Variants in ZNF850 observed in about 807,000 individuals in gnomAD.
The protein encoded by ZNF850 is putative zinc finger protein ENSP00000330994.
In ZNF850, 2 loss-of-function variants were observed where a neutral mutation model predicts 11.9. The observed-to-expected ratio is 0.17, with a 90% CI of 0.07 to 0.53. The LOEUF (loss-of-function observed/expected upper bound fraction) is 0.53. Ranked by LOEUF, ZNF850 falls within the 20% of genes least tolerant of loss-of-function variation. The pLI, the probability that ZNF850 is intolerant of heterozygous loss-of-function variation, is 0.94. For synonymous variants in ZNF850, 381 were observed against 443.0 expected (o/e 0.86, Z 1.76); for missense variants, 1,014 against 1,316.4 (o/e 0.77, Z 3.55).
At chr19:36,760,926 G>A (rs2040514113) in intron 4 of ZNF850, among the ~76,000 whole-genome samples, 1 of 151,478 alleles carries the variant, frequency 6.6e-6, no homozygotes, top group South Asian at 2.1e-4. Context: ...AGGAAAACTA[G>A]ACAAGACAAC....
intron 1 of ZNF850, among the ~76,000 whole-genome samples, chr19:36,769,982 G>C (rs923594864): frequency 6.6e-6 from 1 of 152,124 alleles, no homozygotes; most frequent in African/African-American, 2.4e-5. Context: ...GGATTCCTAC[G>C]ACCCCCTCTT....
rs1568732067 is a variant in ZNF850 at position 36,748,168 on chromosome 19, A to G, written c.2872T>C (p.Cys958Arg). ...GTACGCTGTCTGAAGGACTTCCCAC[A>G]TGTCTTACATTCATAGGGTTTCTCG... ...TGEKPYECKTCGKSFRQRTHL... is the reference protein window; with the variant it reads ...TGEKPYECKTRGKSFRQRTHL... Residue 958 changes from cysteine (C) to arginine (R), a missense_variant, in exon 5 of 5, where the codon TGT (cysteine) becomes CGT (arginine). Physicochemically the swap from Cys to Arg is radical, Grantham distance 180. Around this residue, in one of 2 missense-constraint regions of ZNF850, gnomAD observed 179 missense variants for 294.4 expected, o/e 0.61. Transcript: ENST00000591344. The G allele has an allele frequency of 6.4e-7, 1 of 1,552,960 alleles. No homozygotes were observed. Among genetic ancestry groups the G allele is most frequent in the Non-Finnish European group, 8.7e-7 (1 of 1,151,758 alleles).
chr19:36,752,703 G>C (rs76031305), intron 4 of ZNF850, among the ~76,000 whole-genome samples: 1 of 152,098 alleles, frequency 6.6e-6, no homozygotes, highest in Admixed American at 6.6e-5. Context: ...AATGACAGAT[G>C]ATCCAGTTTC....
intron 4 of ZNF850, among the ~76,000 whole-genome samples, chr19:36,755,287 G>C (rs1018490706): frequency 6.6e-6 from 1 of 152,148 alleles, no homozygotes; most frequent in African/African-American, 2.4e-5. Context: ...GAATGCAGTG[G>C]TGCAATCTCG....
chr19:36,770,023 G>A (rs1283362333), intron 1 of ZNF850, among the ~76,000 whole-genome samples: 1 of 152,254 alleles, frequency 6.6e-6, no homozygotes, highest in East Asian at 1.9e-4. Context: ...AAATAAAATG[G>A]CTCACAGACC....
In ZNF850 at chr19:36,744,350, G is replaced by GA. The variant is rs1351824452; in HGVS notation, c.*3416dup. On this transcript the variant is annotated 3_prime_UTR_variant, in exon 5 of 5. Transcript: ENST00000591344. The stretch of plus-strand genomic sequence containing the variant: ...AGTAAAAACGTTAAGAGTATTGGCT[G>GA]AACACAGTGGCTCACACCTGTAATC... 6.6e-6 allele frequency: 1 copy of GA among 152,086 alleles called. No individual in the cohort carries two copies. The highest frequency in any genetic ancestry group is 1.9e-4 in the East Asian group (1 of 5,194). The allele number at this position is 152,086 out of a possible 1,614,324, so 9.4% of individuals were successfully genotyped here.
Position 36,748,531 on chromosome 19 carries a change from C to T in ZNF850, c.2509G>A (p.Gly837Ser), listed in dbSNP as rs958858736. 6.5e-7 allele frequency: 1 copy of T among 1,537,474 alleles called. No individual in the cohort carries two copies. Among genetic ancestry groups the T allele is most frequent in the Non-Finnish European group, 8.7e-7 (1 of 1,146,996 alleles). The change falls in exon 5 of 5, where the codon GGT becomes AGT. Residue 837 changes from glycine (G) to serine (S), a missense_variant. Physicochemically the swap from Gly to Ser is moderately conservative, Grantham distance 56. Transcript: ENST00000591344. Reference sequence around the variant, plus strand: ...TCTTTACAACTGTAGCGTTTCTCACCAGTGTGAACTGGCCGATGTTGAATT... The same window carrying T: ...TCTTTACAACTGTAGCGTTTCTCACTAGTGTGAACTGGCCGATGTTGAATT... ...ALIQHRPVHT[G>S]EKRYSCKECG...
chr19:36,772,162 A>G (rs2040588790), intron 1 of ZNF850, among the ~76,000 whole-genome samples: 1 of 152,188 alleles, frequency 6.6e-6, no homozygotes. Flanking sequence ...CAGCTGAGGA[A>G]TGTCTTCAGG....
chr19:36,753,271 GAAAA>G (rs71171470), intron 4 of ZNF850, among the ~76,000 whole-genome samples: 36 of 66,068 alleles, frequency 5.4e-4, no homozygotes, highest in African/African-American at 1.8e-3. Context: ...TTCATCTCAG[GAAAA>G]AAAAAAAAAA....
rs1342012687 is a variant in ZNF850 at position 36,749,629 on chromosome 19, GA to G, written c.1410del (p.His471ThrfsTer78). On this transcript the variant is annotated frameshift_variant, in exon 5 of 5. Transcript: ENST00000591344. LOFTEE classifies it low-confidence loss of function (END_TRUNC). ...CAACAATAGGGTTTCTCACCAGTGTGAATCCGCTGATGTTGAAGTAGTGCTG... is the reference window on the plus strand; with the variant it reads ...CAACAATAGGGTTTCTCACCAGTGTGATCCGCTGATGTTGAAGTAGTGCTG... ...SGSALLQHQRIHTGEKPYCCK... is the reference protein window; with the variant it reads ...SGSALLQHQRXHTGEKPYCCK... The G allele has an allele frequency of 6.4e-7, 1 of 1,552,832 alleles. No individual in the cohort carries two copies. Among genetic ancestry groups the G allele is most frequent in the Non-Finnish European group, 8.7e-7 (1 of 1,153,016 alleles).
rs1160029805 is a variant in ZNF850, at chr19:36,750,476, T to G, written c.564A>C (p.Gln188His). 4 of 1,536,302 alleles carry G rather than the reference T, an allele frequency of 2.6e-6. No individual in the cohort carries two copies. In the African/African-American group the frequency reaches 4.1e-5, roughly 16 times the overall value. ...AGAGTTTTTCACCAGTATGGGTTTCTTGCTGTTGTGTAAGTTCTGAGCCAT... is the reference window on the plus strand; with the variant it reads ...AGAGTTTTTCACCAGTATGGGTTTCGTGCTGTTGTGTAAGTTCTGAGCCAT... ...FKYGSELTQQ[Q>H]ETHTGEKLYK... Residue 188 changes from glutamine to histidine, a missense_variant, in exon 5 of 5, where the codon CAA becomes CAC. Coordinates refer to ENST00000591344, the MANE Select transcript of ZNF850 (RefSeq NM_001193552.2).
In ZNF850 at chr19:36,749,491, C is replaced by A. The variant is rs879157985; in HGVS notation, c.1549G>T (p.Gly517Cys). 4 of 1,545,584 alleles carry A rather than the reference C, an allele frequency of 2.6e-6. No homozygotes were observed. In the East Asian group the frequency reaches 9.7e-5, roughly 38 times the overall value. ...CKECGKSFAS[G>C]SALLQHQRIH... ...CGCTGATGTTGAAGTAGTGCTGAGC[C>A]AGAAGCAAAAGATTTTCCACATTCT... Residue 517 changes from glycine (G) to cysteine (C), a missense_variant, in exon 5 of 5, where the codon GGC (glycine) becomes TGC (cysteine). Transcript: ENST00000591344.
At position 36,748,094 on chromosome 19, in the gene ZNF850, T is replaced by C; in HGVS notation, c.2946A>G (p.Glu982=). The C allele has an allele frequency of 6.4e-7, 1 of 1,552,632 alleles. No individual in the cohort carries two copies. Among genetic ancestry groups the C allele is most frequent in the Non-Finnish European group, 8.7e-7 (1 of 1,152,280 alleles). The change falls in exon 5 of 5, where the codon GAA becomes GAG. Residue 982 remains glutamate, a synonymous_variant. Coordinates refer to ENST00000591344, the MANE Select transcript of ZNF850 (RefSeq NM_001193552.2). ...TAAAAGATTTCCCACATTCTTTACA[T>C]TCATAAGGTCTGTCACCGGTATGAA... ...QRIHTGDRPY[E]CKECGKSFTC...
intron 1 of ZNF850, among the ~76,000 whole-genome samples, chr19:36,771,064 A>G (rs1018888223): frequency 1.6e-4 from 25 of 152,214 alleles, no homozygotes; most frequent in African/African-American, 5.8e-4. Context: ...GATGCCACAT[A>G]GAATATGCAC....
chr19:36,753,646 G>GA (rs879379768), intron 4 of ZNF850, among the ~76,000 whole-genome samples: 138 of 144,264 alleles, frequency 9.6e-4, no homozygotes, highest in African/African-American at 1.2e-3. Flanking sequence ...AAATGGACAG[G>GA]AAAAAAAAAA....
At chr19:36,760,673 T>C (rs1272865985) in intron 4 of ZNF850, among the ~76,000 whole-genome samples, 2 of 151,940 alleles carry the variant, frequency 1.3e-5, no homozygotes, top group African/African-American at 4.8e-5. Flanking sequence ...AGGACCAGCC[T>C]GGCCAACATG....
rs879242619 is a variant in ZNF850, at chr19:36,749,276, G to A, written c.1764C>T (p.Pro588=). The A allele has an allele frequency of 6.4e-7, 1 of 1,574,514 alleles. No individual in the cohort carries two copies. Among genetic ancestry groups the A allele is most frequent in the South Asian group, 1.1e-5 (1 of 87,302 alleles). The change falls in exon 5 of 5, where the codon CCC becomes CCT. Residue 588 remains proline, a synonymous_variant. Coordinates refer to ENST00000591344, the MANE Select transcript of ZNF850 (RefSeq NM_001193552.2). ...ATTTTCCACATTCCTTACAGTGATA[G>A]GGTTTCTCACCAGTGTGAATTCGCT... ...QHQRIHTGEK[P]YHCKECGKSF...
At position 36,747,547 on chromosome 19, in the gene ZNF850, AATGGC is replaced by A. The variant is rs2040419262; in HGVS notation, c.*215_*219del. ...GCTACTAGGGAGGCTGAGGCAGGAG[AATGGC>A]ATGAACCCAGGAGGCAGAGCTTGCA... On this transcript the variant is annotated 3_prime_UTR_variant, in exon 5 of 5. Coordinates refer to ENST00000591344, the MANE Select transcript of ZNF850 (RefSeq NM_001193552.2). 4 of 391,358 alleles carry A rather than the reference AATGGC, an allele frequency of 1.0e-5. No individual in the cohort carries two copies. Among genetic ancestry groups the A allele is most frequent in the Non-Finnish European group, 1.8e-5 (4 of 221,364 alleles). The allele number at this position is 391,358 out of a possible 1,614,324, so 24.2% of individuals were successfully genotyped here. A position where few individuals can be genotyped will look rare whatever the true frequency, so the allele number is the denominator to read the frequency against.
chr19:36,757,864 C>T (rs948639826), intron 4 of ZNF850, among the ~76,000 whole-genome samples: 1 of 152,076 alleles, frequency 6.6e-6, no homozygotes, highest in African/African-American at 2.4e-5. Flanking sequence ...CTCTGCCACC[C>T]GGGCTGGAAT....
Sources: gnomAD v4.1 joint callset for allele counts (sites outside exome capture counted in the v4.1 genomes callset) on GRCh38, gnomAD v4.1.1 for gene constraint, gnomAD v4.1.1 regional missense constraint, MANE v1.5 for transcripts, NCBI Gene and HGNC (gene_info 2026-07-23, HGNC 2026-07-21) for gene names.